The following VPS35L variants were observed in gnomAD, a reference collection of about 807,000 sequenced individuals.
VPS35L encodes VPS35 endosomal protein-sorting factor-like.
VPS35L carries 83 observed loss-of-function variants against 133.0 expected under a neutral mutation model. That is an observed-to-expected ratio of 0.62 (90% CI 0.52 to 0.75). The LOEUF (loss-of-function observed/expected upper bound fraction) is 0.75. Ranked by LOEUF, VPS35L falls within the 30% of genes least tolerant of loss-of-function variation. VPS35L has a pLI of 0.00. For missense variants in VPS35L, 1,083 were observed against 1,206.8 expected, an observed-to-expected ratio of 0.90 and a Z score of 1.52; for synonymous variants, 423 against 449.9, an observed-to-expected ratio of 0.94 and a Z score of 0.76.
At chr16:19,576,181 CAAAAA>C (rs375230062) in intron 5 of VPS35L, among the ~76,000 whole-genome samples, 23,227 of 130,598 alleles carry the variant, frequency 0.18, 1,986 homozygotes, top group African/African-American at 0.23. Context: ...AAAAAAAAAA[CAAAAA>C]AAAAAAACAA....
At chr16:19,691,803 G>A (rs888403328) in intron 29 of VPS35L, among the ~76,000 whole-genome samples, 5 of 139,946 alleles carry the variant, frequency 3.6e-5, no homozygotes, top group Non-Finnish European at 1.5e-5. Context: ...TTCAGTCACC[G>A]TCTGAAATGT....
intron 14 of VPS35L, among the ~76,000 whole-genome samples, chr16:19,620,656 A>G (rs1973048918): frequency 6.6e-6 from 1 of 152,164 alleles, no homozygotes; most frequent in African/African-American, 2.4e-5. Context: ...GTACCCTCAA[A>G]AAATAAAAAT....
At chr16:19,684,276 C>T (rs1292271945) in intron 28 of VPS35L, among the ~76,000 whole-genome samples, 2 of 152,130 alleles carry the variant, frequency 1.3e-5, no homozygotes, top group South Asian at 2.1e-4. Flanking sequence ...TCCTGCCTGG[C>T]GGACCCTCAG....
chr16:19,681,242 A>AC (rs1975264980), intron 27 of VPS35L, among the ~76,000 whole-genome samples: 1 of 125,828 alleles, frequency 7.9e-6, no homozygotes, highest in Admixed American at 7.6e-5. Context: ...AGGCAGCAGC[A>AC]TATGCAGGGC....
At chr16:19,634,713 G>A (rs534330899) in intron 19 of VPS35L, among the ~76,000 whole-genome samples, 5 of 152,314 alleles carry the variant, frequency 3.3e-5, no homozygotes, top group African/African-American at 9.6e-5. Context: ...AATTATCAGT[G>A]TATGCTAACC....
At chr16:19,571,412 TC>T (rs1321397059) in intron 3 of VPS35L, among the ~76,000 whole-genome samples, 3 of 152,154 alleles carry the variant, frequency 2.0e-5, no homozygotes, top group Non-Finnish European at 2.9e-5. Flanking sequence ...AGTTGGGGTC[TC>T]ACTGTGTTGC....
At chr16:19,640,745 G>GTGTTTT (rs1282967903) in intron 21 of VPS35L, among the ~76,000 whole-genome samples, 1 of 152,210 alleles carries the variant, frequency 6.6e-6, no homozygotes, top group Non-Finnish European at 1.5e-5. Context: ...TGGAAAAAAG[G>GTGTTTT]TGTTTTTGTT....
At position 19,569,477 on chromosome 16, in the gene VPS35L, G is replaced by GTCC. The variant is rs750292712; in HGVS notation, c.184_186dup (p.Ser64dup). ...ACCGGAAAGGAAGCACTTCTTCCAC[G>GTCC]TCCTCCTCCTCCTCCAGCTCCGTGG... On this transcript the variant is annotated inframe_insertion, in exon 3 of 31. Coordinates refer to ENST00000417362, the MANE Select transcript of VPS35L (RefSeq NM_020314.7). 8 of 1,607,490 alleles carry GTCC rather than the reference G, an allele frequency of 5.0e-6. No individual in the cohort carries two copies. Among genetic ancestry groups the GTCC allele is most frequent in the East Asian group, 2.2e-5 (1 of 44,826 alleles).
chr16:19,671,819 C>T (rs13336974), intron 27 of VPS35L, among the ~76,000 whole-genome samples: 52,902 of 151,958 alleles, frequency 0.35, 9,441 homozygotes, highest in African/African-American at 0.37. Context: ...ATAGGCTTCA[C>T]CTGGCTGCCG....
In VPS35L at chr16:19,639,341, A is replaced by G. The variant is rs987488540; in HGVS notation, c.1699-674A>G. 1.3e-5 allele frequency among the ~76,000 whole-genome samples: 2 copies of G among 152,146 alleles called. No individual in the cohort carries two copies. Among genetic ancestry groups the G allele is most frequent in the Non-Finnish European group, 2.9e-5 (2 of 68,032 alleles). On this transcript the variant is annotated intron_variant, in intron 20 of 30. Coordinates refer to ENST00000417362, the MANE Select transcript of VPS35L (RefSeq NM_020314.7). The surrounding 1 kb of genome is among the most constrained non-coding windows in gnomAD (Gnocchi z 4.1). ...GGTCCAATTTCGAGGCCATCTGTGA[A>G]CAGCTCTACTCTGACTCTTCTTCCA...
chr16:19,573,180 C>T lies in VPS35L; in HGVS notation c.347C>T (p.Pro116Leu). 6.2e-7 allele frequency: 1 copy of T among 1,613,976 alleles called. No homozygotes were observed. The highest frequency in any genetic ancestry group is 8.5e-7 in the Non-Finnish European group (1 of 1,179,926). The change falls in exon 4 of 31, where the codon CCT becomes CTT. Residue 116 changes from proline to leucine, a missense_variant. Transcript: ENST00000417362. Reference sequence around the variant, plus strand: ...TCCGTTGTAGGATCGGATTTTGAGCCTTGGACCAACAAACGGGGAGAAATC... The same window carrying T: ...TCCGTTGTAGGATCGGATTTTGAGCTTTGGACCAACAAACGGGGAGAAATC... ...DNSVVGSDFE[P>L]WTNKRGEILA... is the part of the protein sequence containing the mutation.
rs1252976950 is a variant in VPS35L at position 19,652,155 on chromosome 16, T to C, written c.2221+65T>C. The C allele has an allele frequency of 2.8e-6, 3 of 1,089,674 alleles. No homozygotes were observed. The East Asian group carries it at 7.7e-5, about 28-fold the overall frequency. 67.5% of individuals were successfully genotyped at this position (1,089,674 alleles called of 1,614,324 possible). A position where few individuals can be genotyped will look rare whatever the true frequency, so the allele number is the denominator to read the frequency against. ...GCTTAGGAAAACTGACTCAGGTGTG[T>C]GCGTATGTGTGTAGAGAGAGACAAA... On this transcript the variant is annotated intron_variant, in intron 26 of 30. Coordinates refer to ENST00000417362, the MANE Select transcript of VPS35L (RefSeq NM_020314.7).
intron 5 of VPS35L, chr16:19,578,286 C>CTTTTTTTTTTTT: frequency 2.4e-6 from 1 of 414,066 alleles, no homozygotes; most frequent in Non-Finnish European, 4.7e-6. Flanking sequence ...TTTCTTTTTT[C>CTTTTTTTTTTTT]TTTTTTTTTT....
At chr16:19,631,185 A>G (rs879676371) in intron 18 of VPS35L, among the ~76,000 whole-genome samples, 2 of 152,174 alleles carry the variant, frequency 1.3e-5, no homozygotes, top group Non-Finnish European at 2.9e-5. Flanking sequence ...TGTTGTTTAC[A>G]AGCTTCCTGG....
intron 27 of VPS35L, among the ~76,000 whole-genome samples, chr16:19,676,581 T>C (rs1975069867): frequency 6.6e-6 from 1 of 152,056 alleles, no homozygotes; most frequent in South Asian, 2.1e-4. Flanking sequence ...ACAGTTGCAA[T>C]TTGCAAGAAA....
At chr16:19,679,693 C>T (rs1434729715) in intron 27 of VPS35L, among the ~76,000 whole-genome samples, 3 of 151,670 alleles carry the variant, frequency 2.0e-5, no homozygotes, top group African/African-American at 4.8e-5. Flanking sequence ...TTAGTAGAAA[C>T]GGGGTTTCGC....
intron 14 of VPS35L, 95 bp from the exon 15 acceptor site, chr16:19,626,082 A>C: frequency 1.3e-6 from 1 of 773,186 alleles, no homozygotes; most frequent in Non-Finnish European, 2.1e-6. Context: ...ATGTGGCTAC[A>C]TTCATTTTAG....
intron 2 of VPS35L, among the ~76,000 whole-genome samples, chr16:19,565,628 C>T (rs762853213): frequency 3.3e-5 from 5 of 152,230 alleles, no homozygotes; most frequent in African/African-American, 9.6e-5. Flanking sequence ...GCTGGGATTA[C>T]AGGAGTGAGC....
At chr16:19,599,970 G>A (rs1255029920) in intron 8 of VPS35L, among the ~76,000 whole-genome samples, 1 of 152,198 alleles carries the variant, frequency 6.6e-6, no homozygotes, top group Non-Finnish European at 1.5e-5. Flanking sequence ...GAACCCAGGA[G>A]GTGGAGGCCG....
Sources: gnomAD v4.1 joint callset for allele counts (sites outside exome capture counted in the v4.1 genomes callset) on GRCh38, gnomAD v4.1.1 for gene constraint, Gnocchi (gnomAD v3.1) non-coding constraint, MANE v1.5 for transcripts, NCBI Gene and HGNC (gene_info 2026-07-23, HGNC 2026-07-21) for gene names.